ELF1: variants seen among roughly 807,000 people sequenced by gnomAD.
The protein encoded by ELF1 is ETS-related transcription factor Elf-1.
A neutral mutation model predicts 59.9 loss-of-function variants in ELF1; 24 were observed. That is an observed-to-expected ratio of 0.40 (90% CI 0.29 to 0.56). ELF1 has a LOEUF of 0.56. Among genes scored for constraint, ELF1 ranks in the 20% least tolerant of loss-of-function variants. The pLI, the probability that ELF1 is intolerant of heterozygous loss-of-function variation, is 0.44. For synonymous variants in ELF1, 248 were observed against 266.2 expected (o/e 0.93, Z 0.67); for missense variants, 627 against 742.2 (o/e 0.84, Z 1.80).
At chr13:40,988,290 A>C (rs1344316928) in intron 1 of ELF1, among the ~76,000 whole-genome samples, 1 of 152,240 alleles carries the variant, frequency 6.6e-6, no homozygotes, top group Admixed American at 6.5e-5. Flanking sequence ...AAAAGAATTT[A>C]GGCCTAGAGC....
Position 40,981,875 on chromosome 13 carries a change from A to G in ELF1, c.72+108T>C. ...CCAAATATTTCATCTATAAATTTTTACTTTCAATAAAGTTTCTCTCATTGT... is the reference window on the plus strand; with the variant it reads ...CCAAATATTTCATCTATAAATTTTTGCTTTCAATAAAGTTTCTCTCATTGT... On this transcript the variant is annotated intron_variant, in intron 2 of 8. Transcript: ENST00000239882. 3.2e-6 allele frequency: 4 copies of G among 1,238,198 alleles called. No individual in the cohort carries two copies. The South Asian group carries it at 6.7e-5, about 21-fold the overall frequency. 76.7% of individuals were successfully genotyped at this position (1,238,198 alleles called of 1,614,324 possible). A position where few individuals can be genotyped will look rare whatever the true frequency, so the allele number is the denominator to read the frequency against.
At chr13:40,955,445 C>T in intron 3 of ELF1, among the ~76,000 whole-genome samples, 1 of 136,220 alleles carries the variant, frequency 7.3e-6, no homozygotes, top group Non-Finnish European at 1.6e-5. Flanking sequence ...CCCGCCCGGC[C>T]AGCCGCCCCG....
intron 1 of ELF1, among the ~76,000 whole-genome samples, chr13:41,054,773 G>C (rs1877225132): frequency 6.6e-6 from 1 of 152,128 alleles, no homozygotes; most frequent in Admixed American, 6.5e-5. Flanking sequence ...GAACAGGAAA[G>C]GGACAGTGGA....
chr13:40,945,600 A>T (rs1052426041), intron 5 of ELF1, among the ~76,000 whole-genome samples: 2 of 152,194 alleles, frequency 1.3e-5, no homozygotes, highest in Non-Finnish European at 2.9e-5. Context: ...AGGATTCACA[A>T]TGCTGAGGAT....
At chr13:40,965,505 C>G (rs1358006643) in intron 2 of ELF1, among the ~76,000 whole-genome samples, 1 of 152,018 alleles carries the variant, frequency 6.6e-6, no homozygotes, top group Admixed American at 6.6e-5. Flanking sequence ...CACCTGTAAT[C>G]CTAGCTACTC....
chr13:41,039,500 A>G (rs961078734), intron 1 of ELF1, among the ~76,000 whole-genome samples: 10 of 152,206 alleles, frequency 6.6e-5, no homozygotes, highest in Admixed American at 3.3e-4. Flanking sequence ...TTAAGACGAT[A>G]CAATACAGAA....
chr13:41,016,354 A>G (rs1875359528), intron 1 of ELF1, among the ~76,000 whole-genome samples: 1 of 152,162 alleles, frequency 6.6e-6, no homozygotes, highest in South Asian at 2.1e-4. Flanking sequence ...AGAATTTCCA[A>G]CCACCCCAAT....
rs773346594 is a variant in ELF1, at chr13:40,933,636, C to T, written c.1649G>A (p.Gly550Asp). ...TTTGATAACTGAAGTGATTACAGTGCCAGGTGGGTGAGCAACCAGCTGTGA... is the reference window on the plus strand; with the variant it reads ...TTTGATAACTGAAGTGATTACAGTGTCAGGTGGGTGAGCAACCAGCTGTGA... The part of the protein sequence containing the change: ...RSSQLVAHPP[G>D]TVITSVIKTQ... The change falls in exon 9 of 9, where the codon GGC becomes GAC. Residue 550 changes from glycine to aspartate, a missense_variant. This residue lies in a region of ELF1 where 361 missense variants were observed against 396.1 expected (regional missense o/e 0.91). Coordinates refer to ENST00000239882, the MANE Select transcript of ELF1 (RefSeq NM_172373.4). 11 of 1,614,070 alleles carry T rather than the reference C, an allele frequency of 6.8e-6. No homozygotes were observed. Among genetic ancestry groups the T allele is most frequent in the Non-Finnish European group, 9.3e-6 (11 of 1,180,042 alleles).
At position 40,933,701 on chromosome 13, in the gene ELF1, G is replaced by A. The variant is rs767008961; in HGVS notation, c.1584C>T (p.Phe528=). ...AGGTCACCACAGGTGCAGTAGCACT[G>A]AAGGATGGAGAGGAAGCCACACTGA... ...GTVSVASSPS[F]SATAPVVTFS... is the part of the protein sequence containing the mutation. Residue 528 remains phenylalanine (F), a synonymous_variant, in exon 9 of 9, where the codon TTC becomes TTT. Transcript: ENST00000239882. 2 of 1,614,290 alleles carry A rather than the reference G, an allele frequency of 1.2e-6. No individual in the cohort carries two copies. Among genetic ancestry groups the A allele is most frequent in the South Asian group, 1.1e-5 (1 of 91,090 alleles).
intron 1 of ELF1, among the ~76,000 whole-genome samples, chr13:40,985,823 T>G (rs1037827793): frequency 3.9e-5 from 6 of 152,236 alleles, no homozygotes; most frequent in Non-Finnish European, 7.3e-5. Flanking sequence ...AATTTACCCA[T>G]CCTTAATTAT....
intron 8 of ELF1, among the ~76,000 whole-genome samples, chr13:40,934,688 G>C (rs1329157407): frequency 6.6e-6 from 1 of 152,096 alleles, no homozygotes; most frequent in African/African-American, 2.4e-5. Context: ...CCAAAGTGCT[G>C]GGATTATAGG....
At chr13:40,969,435 T>C (rs1872388075) in intron 2 of ELF1, among the ~76,000 whole-genome samples, 1 of 152,198 alleles carries the variant, frequency 6.6e-6, no homozygotes. Context: ...TCATTATACA[T>C]GTTTTCCTTA....
intron 1 of ELF1, chr13:40,993,249 A>C (rs939633793): frequency 6.3e-7 from 1 of 1,578,856 alleles, no homozygotes; most frequent in African/African-American, 1.4e-5. Context: ...AACAAAAGCA[A>C]CAGATGTTGT....
intron 2 of ELF1, among the ~76,000 whole-genome samples, chr13:40,973,911 G>A (rs868642551): frequency 1.3e-5 from 2 of 152,108 alleles, no homozygotes; most frequent in African/African-American, 4.8e-5. Flanking sequence ...GAAGCCAGTC[G>A]CAAGACAGCA....
At chr13:41,026,200 TA>T (rs1232408740) in intron 1 of ELF1, among the ~76,000 whole-genome samples, 2 of 152,236 alleles carry the variant, frequency 1.3e-5, no homozygotes, top group Non-Finnish European at 2.9e-5. Flanking sequence ...AAGGGCCTTC[TA>T]CTTCAGTGTA....
intron 1 of ELF1, among the ~76,000 whole-genome samples, chr13:40,983,931 C>T (rs752528520): frequency 1.3e-5 from 2 of 152,164 alleles, no homozygotes; most frequent in Admixed American, 6.5e-5. Context: ...CTTTTCCATT[C>T]AATGCTCAAG....
intron 1 of ELF1, among the ~76,000 whole-genome samples, chr13:40,991,010 T>A (rs1873825221): frequency 6.6e-6 from 1 of 152,196 alleles, no homozygotes; most frequent in African/African-American, 2.4e-5. Context: ...ATACCTTTGA[T>A]ATCATGTGAT....
At chr13:40,957,513 A>G (rs994487334) in intron 3 of ELF1, among the ~76,000 whole-genome samples, 1 of 151,788 alleles carries the variant, frequency 6.6e-6, no homozygotes, top group Non-Finnish European at 1.5e-5. Flanking sequence ...GCATTTAAAA[A>G]AAAAAAAAAG....
At chr13:40,979,682 C>T (rs1873143567) in intron 2 of ELF1, among the ~76,000 whole-genome samples, 1 of 152,074 alleles carries the variant, frequency 6.6e-6, no homozygotes, top group African/African-American at 2.4e-5. Flanking sequence ...ACAAATGAGA[C>T]ACAAAAAAGA....
Sources: allele counts gnomAD v4.1 joint callset (sites outside exome capture counted in the v4.1 genomes callset), GRCh38; gene constraint gnomAD v4.1.1; regional missense constraint gnomAD v4.1.1; transcripts MANE v1.5; gene names NCBI Gene and HGNC (gene_info 2026-07-23, HGNC 2026-07-21).